Variants in ANKFN1 observed in about 807,000 individuals in gnomAD.
ANKFN1 encodes ankyrin repeat and fibronectin type III domain containing 1.
ANKFN1 carries 74 observed loss-of-function variants against 108.7 expected under a neutral mutation model. The observed-to-expected ratio is 0.68, with a 90% CI of 0.56 to 0.83. The LOEUF is 0.83. ANKFN1 is among the 40% of genes least tolerant of loss of function. The pLI, the probability that ANKFN1 is intolerant of heterozygous loss-of-function variation, is 0.00. For missense variants in ANKFN1, 1,505 were observed against 1,382.3 expected (o/e 1.09, Z -1.41); for synonymous variants, 547 against 516.2 (o/e 1.06, Z -0.81).
At chr17:56,477,063 A>G (rs1357544167) in intron 15 of ANKFN1, among the ~76,000 whole-genome samples, 1 of 152,234 alleles carries the variant, frequency 6.6e-6, no homozygotes, top group Admixed American at 6.5e-5. Context: ...TTAACAATCC[A>G]GAAATTACAA....
intron 4 of ANKFN1, among the ~76,000 whole-genome samples, chr17:56,094,660 C>CGCCCA (rs71363826): frequency 0.46 from 63,758 of 139,628 alleles, 16,439 homozygotes; most frequent in East Asian, 0.59. Flanking sequence ...CACACCACCA[C>CGCCCA]GCCCAGCTAA....
At chr17:56,402,226 T>C (rs1348167564) in intron 8 of ANKFN1, among the ~76,000 whole-genome samples, 1 of 152,000 alleles carries the variant, frequency 6.6e-6, no homozygotes, top group Non-Finnish European at 1.5e-5. Context: ...TTGGGGAGAG[T>C]TCCTTCTTTC....
chr17:56,116,608 G>A (rs553483869), intron 4 of ANKFN1, among the ~76,000 whole-genome samples: 17 of 152,040 alleles, frequency 1.1e-4, no homozygotes, highest in African/African-American at 3.4e-4. Flanking sequence ...CTCTCTCATC[G>A]GCTCCCCTTC....
At chr17:56,437,974 GT>G (rs1283881177) in intron 8 of ANKFN1, among the ~76,000 whole-genome samples, 6 of 5,220 alleles carry the variant, frequency 1.1e-3, no homozygotes, top group East Asian at 0.056. Context: ...TCTACTGTAG[GT>G]GTGTGTGTGT....
At chr17:56,228,704 A>G (rs1418741277) in intron 3 of ANKFN1, among the ~76,000 whole-genome samples, 1 of 152,134 alleles carries the variant, frequency 6.6e-6, no homozygotes, top group Admixed American at 6.6e-5. Flanking sequence ...ATTTAGCTTT[A>G]GTATAAAGAC....
At chr17:56,303,105 A>C (rs370326779) in intron 3 of ANKFN1, among the ~76,000 whole-genome samples, 4 of 152,216 alleles carry the variant, frequency 2.6e-5, no homozygotes, top group African/African-American at 9.6e-5. Flanking sequence ...TTGATTTCTC[A>C]GTAAGTTGGA....
intron 8 of ANKFN1, among the ~76,000 whole-genome samples, chr17:56,375,106 T>C (rs1040472277): frequency 6.6e-6 from 1 of 152,034 alleles, no homozygotes; most frequent in Non-Finnish European, 1.5e-5. Flanking sequence ...AAACAATAAC[T>C]AAAGCTAGGT....
At chr17:56,296,737 G>T (rs576237622) in intron 3 of ANKFN1, among the ~76,000 whole-genome samples, 3 of 152,248 alleles carry the variant, frequency 2.0e-5, no homozygotes, top group African/African-American at 7.2e-5. Flanking sequence ...GCTGTGAAGC[G>T]CATGAGCTTT....
At chr17:56,153,656 G>C in intron 1 of ANKFN1, 126 bp downstream of exon 1, 1 of 1,305,124 alleles carries the variant, frequency 7.7e-7, no homozygotes, top group South Asian at 1.2e-5. Context: ...GAGCATCCAT[G>C]GTCAGGCAGA....
intron 4 of ANKFN1, among the ~76,000 whole-genome samples, chr17:56,072,905 C>T (rs1905137088): frequency 6.6e-6 from 1 of 152,140 alleles, no homozygotes. Context: ...TGTATCCTGG[C>T]CAGGACCAAG....
chr17:56,501,150 A>G (rs1339477400), intron 20 of ANKFN1, among the ~76,000 whole-genome samples: 1 of 152,192 alleles, frequency 6.6e-6, no homozygotes, highest in Non-Finnish European at 1.5e-5. Flanking sequence ...AGGGACAGAA[A>G]GAAGGCCAAG....
chr17:56,479,042 A>C (rs1482745460), intron 16 of ANKFN1, among the ~76,000 whole-genome samples: 1 of 152,214 alleles, frequency 6.6e-6, no homozygotes, highest in African/African-American at 2.4e-5. Flanking sequence ...TCTGGTGGTC[A>C]TTGCCACAAT....
intron 1 of ANKFN1, among the ~76,000 whole-genome samples, chr17:56,199,260 G>T (rs1598222308): frequency 1.0e-5 from 1 of 99,014 alleles, no homozygotes; most frequent in Non-Finnish European, 1.8e-5. Flanking sequence ...GCTCGTTATT[G>T]CTGTTACAAA....
chr17:56,144,318 A>C (rs10491197), intron 4 of ANKFN1, among the ~76,000 whole-genome samples: 1 of 152,032 alleles, frequency 6.6e-6, no homozygotes, highest in Admixed American at 6.5e-5. Context: ...AGTACACCAC[A>C]GGTTGCACTT....
intron 20 of ANKFN1, among the ~76,000 whole-genome samples, chr17:56,506,170 G>A (rs924344601): frequency 2.0e-5 from 3 of 150,818 alleles, no homozygotes; most frequent in African/African-American, 7.4e-5. Flanking sequence ...CCATTAACTC[G>A]TCATTTATAT....
chr17:56,305,725 C>A (rs2044802706), intron 3 of ANKFN1, among the ~76,000 whole-genome samples: 1 of 152,122 alleles, frequency 6.6e-6, no homozygotes, highest in African/African-American at 2.4e-5. Flanking sequence ...TAGTACTAGA[C>A]CCTGAAGATA....
At chr17:56,314,928 T>G (rs972481323) in intron 3 of ANKFN1, among the ~76,000 whole-genome samples, 5 of 152,208 alleles carry the variant, frequency 3.3e-5, no homozygotes, top group African/African-American at 7.2e-5. Flanking sequence ...ACCATCACTC[T>G]AATTCTGGAG....
chr17:56,220,824 A>G lies in ANKFN1; in HGVS notation c.13-7093A>G, dbSNP rs1030919294. ...GGAGGGAGGGAGGAAGGAAGGAAGG[A>G]AGGAAGGGAGGAAGGGAGGGAGGGA... On this transcript the variant is annotated intron_variant, in intron 2 of 20. Transcript: ENST00000682825. Among the ~76,000 whole-genome samples, 302 of 49,894 alleles carry G rather than the reference A, an allele frequency of 6.1e-3. 3 individuals carry two copies. The highest frequency in any genetic ancestry group is 0.023 in the African/African-American group (119 of 5,172). The allele number at this position is 49,894 out of a possible 152,430, so 32.7% of individuals were successfully genotyped here.
chr17:56,412,869 G>A (rs2048134582), intron 8 of ANKFN1, among the ~76,000 whole-genome samples: 1 of 152,102 alleles, frequency 6.6e-6, no homozygotes, highest in Non-Finnish European at 1.5e-5. Flanking sequence ...TATCCTATTA[G>A]TCCTGATCCT....
Sources: gnomAD v4.1 joint callset for allele counts (sites outside exome capture counted in the v4.1 genomes callset) on GRCh38, gnomAD v4.1.1 for gene constraint, MANE v1.5 for transcripts, NCBI Gene and HGNC (gene_info 2026-07-23, HGNC 2026-07-21) for gene names.